FANCB: variants seen among roughly 807,000 people sequenced by gnomAD.
FANCB encodes the protein FA complementation group B.
In FANCB, 5 loss-of-function variants were observed where a neutral mutation model predicts 38.9. The observed-to-expected ratio is 0.13, with a 90% confidence interval of 0.07 to 0.27. The LOEUF (loss-of-function observed/expected upper bound fraction) is 0.27. FANCB is among the 10% of genes least tolerant of loss of function. The pLI is 1.00. For missense variants in FANCB, 573 were observed against 602.7 expected, an observed-to-expected ratio of 0.95 and a Z score of 0.52; for synonymous variants, 236 against 215.4, an observed-to-expected ratio of 1.10 and a Z score of -0.84.
At chrX:14,789,873 C>T in the FANCB span, among the ~76,000 whole-genome samples, 1 of 111,976 alleles carries the variant, frequency 8.9e-6, no homozygotes, top group Admixed American at 9.5e-5. Context: ...AGATTCCTTA[C>T]ATTGTAGGGA....
At chrX:14,749,219 T>A in the FANCB span, among the ~76,000 whole-genome samples, 1 of 111,930 alleles carries the variant, frequency 8.9e-6, no homozygotes, top group African/African-American at 3.2e-5. Flanking sequence ...AAGGAACATT[T>A]GTGTGAGACT....
At chrX:14,791,940 G>T in the FANCB span, among the ~76,000 whole-genome samples, 33 of 111,556 alleles carry the variant, frequency 3.0e-4, no homozygotes, top group Non-Finnish European at 4.9e-4. Flanking sequence ...TTGAAAGGGG[G>T]ACATTTTAAC....
At chrX:14,836,547 T>C (rs1384839807) in intron 10 of FANCB, among the ~76,000 whole-genome samples, 2 of 112,374 alleles carry the variant, frequency 1.8e-5, no homozygotes, top group African/African-American at 6.5e-5. Context: ...TTAAAGATAA[T>C]TATTTTACAG....
At chrX:14,709,331 G>C in the FANCB span, among the ~76,000 whole-genome samples, 2 of 111,804 alleles carry the variant, frequency 1.8e-5, no homozygotes, top group African/African-American at 6.5e-5. Context: ...AAACTCAGCT[G>C]GTCAACAATT....
At chrX:14,701,128 CAG>C in the FANCB span, among the ~76,000 whole-genome samples, 2 of 110,404 alleles carry the variant, frequency 1.8e-5, no homozygotes, top group African/African-American at 6.6e-5. Flanking sequence ...AGGGAGGTGA[CAG>C]AGTAGGAGGT....
chrX:14,798,084 A>G, the FANCB span, among the ~76,000 whole-genome samples: 4 of 111,926 alleles, frequency 3.6e-5, no homozygotes, highest in East Asian at 1.1e-3. Context: ...ACTCAGTATC[A>G]TTAAAGAACT....
chrX:14,844,432 G>A (rs2092366763), intron 9 of FANCB, 71 bp downstream of exon 9: 1 of 767,813 alleles, frequency 1.3e-6, no homozygotes, highest in African/African-American at 2.1e-5. Context: ...GCGGATCGCT[G>A]TTGAACCACA....
the FANCB span, among the ~76,000 whole-genome samples, chrX:14,814,429 A>G: frequency 8.9e-6 from 1 of 112,354 alleles, no homozygotes; most frequent in Non-Finnish European, 1.9e-5. Context: ...CTACTCATCT[A>G]ACAAAGGGCT....
chrX:14,762,402 C>A, the FANCB span, among the ~76,000 whole-genome samples: 5 of 110,936 alleles, frequency 4.5e-5, no homozygotes, highest in African/African-American at 9.9e-5. Flanking sequence ...ACACCTCGGC[C>A]TCCCACAGTG....
At chrX:14,819,584 G>A in the FANCB span, among the ~76,000 whole-genome samples, 868 of 111,191 alleles carry the variant, frequency 7.8e-3, 12 homozygotes, top group African/African-American at 0.027. Context: ...TTGATTGGTT[G>A]GTTGGGTTTT....
At chrX:14,744,763 T>C in the FANCB span, among the ~76,000 whole-genome samples, 1 of 112,011 alleles carries the variant, frequency 8.9e-6, no homozygotes, top group African/African-American at 3.2e-5. Flanking sequence ...AAGCCTTGGA[T>C]GGATCTTTTT....
At chrX:14,871,654 A>ATATATAAATTTATAT in intron 1 of FANCB, among the ~76,000 whole-genome samples, 1 of 110,556 alleles carries the variant, frequency 9.0e-6, no homozygotes, top group South Asian at 3.7e-4. Context: ...ATATATATAT[A>ATATATAAATTTATAT]ATCATGGTTA....
chrX:14,861,754 A>T (rs1282621138), intron 3 of FANCB, among the ~76,000 whole-genome samples: 1 of 112,577 alleles, frequency 8.9e-6, no homozygotes, highest in Non-Finnish European at 1.9e-5. Context: ...TAATTGTTCA[A>T]GTGTAGTTAC....
At chrX:14,768,116 C>T in the FANCB span, among the ~76,000 whole-genome samples, 5 of 111,388 alleles carry the variant, frequency 4.5e-5, no homozygotes, top group African/African-American at 1.6e-4. Context: ...TAGTGTGATG[C>T]CTCCAGATTT....
At chrX:14,694,501 C>A in the FANCB span, among the ~76,000 whole-genome samples, 1 of 111,860 alleles carries the variant, frequency 8.9e-6, no homozygotes, top group Middle Eastern at 4.2e-3. Flanking sequence ...TGATTGGAAT[C>A]CACTAGTTAG....
chrX:14,826,242 T>G, the FANCB span, among the ~76,000 whole-genome samples: 1 of 112,018 alleles, frequency 8.9e-6, no homozygotes, highest in Admixed American at 9.5e-5. Flanking sequence ...TAATCTGTCA[T>G]GACAGCACCA....
the FANCB span, among the ~76,000 whole-genome samples, chrX:14,811,528 T>C: frequency 9.0e-6 from 1 of 110,585 alleles, no homozygotes. Flanking sequence ...TAGTCTCGGA[T>C]AAAACAGACT....
chrX:14,763,717 G>A, the FANCB span, among the ~76,000 whole-genome samples: 1 of 111,574 alleles, frequency 9.0e-6, no homozygotes, highest in Non-Finnish European at 1.9e-5. Flanking sequence ...ACTTTTGCCT[G>A]GCTAATGCTT....
the FANCB span, among the ~76,000 whole-genome samples, chrX:14,689,582 C>A: frequency 8.9e-6 from 1 of 111,989 alleles, no homozygotes; most frequent in East Asian, 2.8e-4. Context: ...ATAATAATTT[C>A]ATCCCTCTTT....
Sources: allele counts gnomAD v4.1 joint callset (sites outside exome capture counted in the v4.1 genomes callset), GRCh38; gene constraint gnomAD v4.1.1; transcripts MANE v1.5; gene names NCBI Gene and HGNC (gene_info 2026-07-23, HGNC 2026-07-21).